The following UBE2H variants were observed in gnomAD, a reference collection of about 807,000 sequenced individuals.
The protein encoded by UBE2H is ubiquitin conjugating enzyme E2 H, also known as ubiquitin-conjugating enzyme E2 H.
Under a neutral mutation model 29.0 loss-of-function variants are expected in UBE2H, and 3 were observed. That is an observed-to-expected ratio of 0.10 (90% CI 0.05 to 0.27). The LOEUF (loss-of-function observed/expected upper bound fraction) is 0.27, where lower values mean the gene tolerates loss of function less well. Among genes scored for constraint, UBE2H ranks in the 10% least tolerant of loss-of-function variants. The pLI is 1.00. For missense variants in UBE2H, 68 were observed against 228.2 expected, an observed-to-expected ratio of 0.30 and a Z score of 4.52; for synonymous variants, 69 against 82.9, an observed-to-expected ratio of 0.83 and a Z score of 0.91.
chr7:129,918,362 CTT>C (rs777719323), intron 1 of UBE2H, among the ~76,000 whole-genome samples: 136 of 139,580 alleles, frequency 9.7e-4, no homozygotes, highest in South Asian at 2.7e-3. Context: ...AATCCAAATT[CTT>C]TTTTTTTTTT....
At chr7:129,941,961 A>C (rs1209882997) in intron 1 of UBE2H, among the ~76,000 whole-genome samples, 2 of 152,060 alleles carry the variant, frequency 1.3e-5, no homozygotes, top group African/African-American at 4.8e-5. Flanking sequence ...TGTAATCCCA[A>C]CACTTTGGGA....
Position 129,880,905 on chromosome 7 carries a change from T to C in UBE2H, c.120A>G (p.Gly40=). Residue 40 remains glycine (G), a synonymous_variant, in exon 2 of 7, where the codon GGA becomes GGG. Transcript: ENST00000355621. ...GLNEFVVKFY[G]PQGTPYEGGV... ...AACACATGTACTTACTTCCTTGTGG[T>C]CCATAAAACTTCACTACAAATTCAT... 6.2e-7 allele frequency: 1 copy of C among 1,613,474 alleles called. No homozygotes were observed. Among genetic ancestry groups the C allele is most frequent in the Non-Finnish European group, 8.5e-7 (1 of 1,179,652 alleles).
intron 1 of UBE2H, among the ~76,000 whole-genome samples, chr7:129,909,889 G>C (rs1806895540): frequency 1.3e-5 from 2 of 152,188 alleles, no homozygotes; most frequent in African/African-American, 4.8e-5. Flanking sequence ...CAAGCAAACA[G>C]CTGATTATAT....
chr7:129,900,291 A>T (rs746229642), intron 1 of UBE2H, among the ~76,000 whole-genome samples: 2 of 152,202 alleles, frequency 1.3e-5, no homozygotes, highest in Non-Finnish European at 2.9e-5. Context: ...CAAAAGAATG[A>T]CATGGATTTA....
intron 1 of UBE2H, among the ~76,000 whole-genome samples, chr7:129,946,350 C>T (rs951108555): frequency 2.0e-5 from 3 of 152,120 alleles, no homozygotes; most frequent in African/African-American, 7.2e-5. Flanking sequence ...TGAGCCACCG[C>T]GCCCGGCCCC....
At chr7:129,876,455 T>A (rs761359271) in intron 3 of UBE2H, among the ~76,000 whole-genome samples, 11 of 152,212 alleles carry the variant, frequency 7.2e-5, no homozygotes, top group Non-Finnish European at 1.5e-4. Context: ...AAGATTCAAA[T>A]ATGATTCATC....
intron 1 of UBE2H, among the ~76,000 whole-genome samples, chr7:129,892,258 CT>C (rs199831803): frequency 0.26 from 38,100 of 148,866 alleles, 5,018 homozygotes; most frequent in African/African-American, 0.31. Context: ...CTCAACCTTT[CT>C]TTTTTTTTTG....
chr7:129,840,262 T>G (rs1316119133), intron 5 of UBE2H, among the ~76,000 whole-genome samples: 3 of 152,142 alleles, frequency 2.0e-5, no homozygotes, highest in Non-Finnish European at 2.9e-5. Context: ...CATACCTCAC[T>G]GCAACTTCAA....
At chr7:129,935,034 C>T (rs899421826) in intron 1 of UBE2H, among the ~76,000 whole-genome samples, 1 of 150,040 alleles carries the variant, frequency 6.7e-6, no homozygotes, top group Non-Finnish European at 1.5e-5. Flanking sequence ...TATATATATG[C>T]ACCACAAAAT....
chr7:129,949,564 G>A (rs1335933723), intron 1 of UBE2H, among the ~76,000 whole-genome samples: 1 of 152,084 alleles, frequency 6.6e-6, no homozygotes, highest in Non-Finnish European at 1.5e-5. Flanking sequence ...TAATCACCCA[G>A]CAGATTATTA....
rs538754573 is a variant in UBE2H, at chr7:129,841,893, T to C, written c.299-2558A>G. ...CTATCTGCAGTAAGATTTTCACCAA[T>C]GTTTTATCTACAATTTTTTTAAAAA... On this transcript the variant is annotated intron_variant, in intron 5 of 6. Coordinates refer to ENST00000355621, the MANE Select transcript of UBE2H (RefSeq NM_003344.4). 1.1e-4 allele frequency among the ~76,000 whole-genome samples: 17 copies of C among 152,342 alleles called. No homozygotes were observed. The South Asian group carries it at 1.7e-3, about 15-fold the overall frequency.
intron 3 of UBE2H, among the ~76,000 whole-genome samples, chr7:129,873,168 G>A (rs2727488): frequency 0.58 from 87,495 of 151,332 alleles, 25,846 homozygotes; most frequent in Middle Eastern, 0.69. Context: ...ACAGGCGCCC[G>A]CCACCATGCC....
At chr7:129,912,617 T>C (rs1032559146) in intron 1 of UBE2H, among the ~76,000 whole-genome samples, 6 of 152,248 alleles carry the variant, frequency 3.9e-5, no homozygotes, top group African/African-American at 1.4e-4. Flanking sequence ...TAAGTATTTA[T>C]GTGTGGAATT....
rs774625924 is a variant in UBE2H at position 129,833,371 on chromosome 7, C to T, written c.*1566G>A. 3.9e-5 allele frequency: 6 copies of T among 152,486 alleles called. No individual in the cohort carries two copies. The highest frequency in any genetic ancestry group is 8.8e-5 in the Non-Finnish European group (6 of 68,028). 9.4% of individuals were successfully genotyped at this position (152,486 alleles called of 1,614,324 possible). On this transcript the variant is annotated 3_prime_UTR_variant, in exon 7 of 7. Coordinates refer to ENST00000355621, the MANE Select transcript of UBE2H (RefSeq NM_003344.4). ...TAATCCCAGTGGGATGCTCAAAAATCGTCTTTAGAAGGTTTTAGGATTGGC... is the reference window on the plus strand; with the variant it reads ...TAATCCCAGTGGGATGCTCAAAAATTGTCTTTAGAAGGTTTTAGGATTGGC...
At chr7:129,920,058 CA>C (rs1337806050) in intron 1 of UBE2H, among the ~76,000 whole-genome samples, 3 of 152,178 alleles carry the variant, frequency 2.0e-5, no homozygotes, top group African/African-American at 7.2e-5. Context: ...AGGTTACATA[CA>C]TTAGACTATT....
At chr7:129,926,971 C>A (rs1038219605) in intron 1 of UBE2H, among the ~76,000 whole-genome samples, 1 of 152,170 alleles carries the variant, frequency 6.6e-6, no homozygotes, top group African/African-American at 2.4e-5. Context: ...CCGCCTCATA[C>A]CTCATGAGTG....
At chr7:129,946,146 G>A (rs1166285629) in intron 1 of UBE2H, among the ~76,000 whole-genome samples, 6 of 150,728 alleles carry the variant, frequency 4.0e-5, no homozygotes, top group Non-Finnish European at 5.9e-5. Context: ...TCCGCCTCCC[G>A]GGTTCACACC....
chr7:129,889,574 C>T (rs2116393855), intron 1 of UBE2H, among the ~76,000 whole-genome samples: 1 of 152,316 alleles, frequency 6.6e-6, no homozygotes, highest in East Asian at 1.9e-4. Flanking sequence ...CTAACATTCC[C>T]ACCATGCAAT....
chr7:129,891,934 C>T (rs1310033870), intron 1 of UBE2H, among the ~76,000 whole-genome samples: 2 of 146,622 alleles, frequency 1.4e-5, no homozygotes, highest in Admixed American at 1.4e-4. Flanking sequence ...AAGCAGAATA[C>T]TAAAAAAACA....
Sources: allele counts gnomAD v4.1 joint callset (sites outside exome capture counted in the v4.1 genomes callset), GRCh38; gene constraint gnomAD v4.1.1; transcripts MANE v1.5; gene names NCBI Gene and HGNC (gene_info 2026-07-23, HGNC 2026-07-21).